Variants in NDST3 observed in about 807,000 individuals in gnomAD.
The protein encoded by NDST3 is N-deacetylase and N-sulfotransferase 3.
Under a neutral mutation model 96.1 loss-of-function variants are expected in NDST3, and 58 were observed. The ratio of observed to expected loss-of-function variants is 0.60; its 90% CI spans 0.49 to 0.75. NDST3 has a LOEUF of 0.75. Among genes scored for constraint, NDST3 ranks in the 30% least tolerant of loss-of-function variants. The pLI is 0.00. For synonymous variants in NDST3, 333 were observed against 359.7 expected (o/e 0.93, Z 0.84); for missense variants, 788 against 1,034.2 (o/e 0.76, Z 3.27).
At chr4:118,239,404 A>T (rs1383441624) in intron 10 of NDST3, among the ~76,000 whole-genome samples, 2 of 152,188 alleles carry the variant, frequency 1.3e-5, no homozygotes, top group Non-Finnish European at 2.9e-5. Context: ...CATCCTGGAA[A>T]GCTAAGATCC....
rs1725801801 is a variant in NDST3, at chr4:118,060,405, C to T, written c.981+5514C>T. Among the ~76,000 whole-genome samples, 3 of 151,940 alleles carry T rather than the reference C, an allele frequency of 2.0e-5. No individual in the cohort carries two copies. The South Asian group carries it at 6.2e-4, about 31-fold the overall frequency. ...TTTGATTACTATTTGAGAAATATATCTTACTCCTTTTTTATATATTTTTAA... is the reference window on the plus strand; with the variant it reads ...TTTGATTACTATTTGAGAAATATATTTTACTCCTTTTTTATATATTTTTAA... On this transcript the variant is annotated intron_variant, in intron 2 of 13. Coordinates refer to ENST00000296499, the MANE Select transcript of NDST3 (RefSeq NM_004784.3).
chr4:118,142,726 A>C (rs1733658161), intron 5 of NDST3, among the ~76,000 whole-genome samples: 1 of 152,180 alleles, frequency 6.6e-6, no homozygotes, highest in Admixed American at 6.5e-5. Context: ...CCATGAAGTC[A>C]TTGTAAAATA....
chr4:118,193,617 C>A (rs763549918), intron 6 of NDST3: 6 of 1,250,744 alleles, frequency 4.8e-6, no homozygotes, highest in Admixed American at 1.7e-5. Context: ...TGGGCCTTGG[C>A]GGCTTCGTTG....
At chr4:118,233,312 C>T (rs772916403) in intron 9 of NDST3, among the ~76,000 whole-genome samples, 177 bp downstream of exon 9, 3 of 152,100 alleles carry the variant, frequency 2.0e-5, no homozygotes, top group Non-Finnish European at 4.4e-5. Flanking sequence ...AAACTCTTCT[C>T]AGTTTATAAA....
intron 6 of NDST3, among the ~76,000 whole-genome samples, chr4:118,209,130 T>C (rs1427965093): frequency 6.6e-6 from 1 of 152,184 alleles, no homozygotes; most frequent in African/African-American, 2.4e-5. Flanking sequence ...CCTATATCTA[T>C]TATATTGTGG....
intron 6 of NDST3, among the ~76,000 whole-genome samples, chr4:118,214,678 C>A (rs1022106444): frequency 2.0e-5 from 3 of 151,954 alleles, no homozygotes; most frequent in Non-Finnish European, 2.9e-5. Flanking sequence ...AGGTAAGATT[C>A]AATGAAAGAT....
chr4:118,070,716 T>C (rs1007019367), intron 2 of NDST3, among the ~76,000 whole-genome samples: 1 of 151,600 alleles, frequency 6.6e-6, no homozygotes, highest in Non-Finnish European at 1.5e-5. Context: ...GTTACATATG[T>C]ATACATGTGC....
At chr4:118,215,190 C>T (rs575305808) in intron 6 of NDST3, among the ~76,000 whole-genome samples, 2 of 151,740 alleles carry the variant, frequency 1.3e-5, no homozygotes, top group Non-Finnish European at 2.9e-5. Flanking sequence ...CACCTAGAGA[C>T]AGCATGTAAA....
At chr4:118,156,067 G>A (rs796852179) in intron 6 of NDST3, among the ~76,000 whole-genome samples, 7 of 152,002 alleles carry the variant, frequency 4.6e-5, no homozygotes, top group Admixed American at 2.0e-4. Flanking sequence ...ATTCAGGATA[G>A]ACAGAAAATT....
rs540927323 is a variant in NDST3, at chr4:118,222,304, T to A, written c.1540-2187T>A. ...TGTCAATTATGTTCCTTAATGTGCA[T>A]ACCTTCCTAAGAAAAAAGTAACAAA... On this transcript the variant is annotated intron_variant, in intron 6 of 13. Coordinates refer to ENST00000296499, the MANE Select transcript of NDST3 (RefSeq NM_004784.3). Among the ~76,000 whole-genome samples, 7 of 152,024 alleles carry A rather than the reference T, an allele frequency of 4.6e-5. No homozygotes were observed. In the East Asian group the frequency reaches 1.4e-3, roughly 29 times the overall value.
At chr4:118,185,058 G>A (rs1004927097) in intron 6 of NDST3, among the ~76,000 whole-genome samples, 7 of 152,030 alleles carry the variant, frequency 4.6e-5, no homozygotes, top group South Asian at 2.1e-4. Context: ...CTTATATTTC[G>A]TTAAGAGACA....
intron 3 of NDST3, among the ~76,000 whole-genome samples, chr4:118,111,487 A>G (rs1381285741): frequency 6.6e-6 from 1 of 151,698 alleles, no homozygotes; most frequent in Non-Finnish European, 1.5e-5. Context: ...GTCCAACCAA[A>G]TGTAATTAAC....
intron 2 of NDST3, among the ~76,000 whole-genome samples, chr4:118,088,372 G>T (rs984812337): frequency 6.6e-6 from 1 of 151,958 alleles, no homozygotes; most frequent in African/African-American, 2.4e-5. Context: ...TGATCTAAAG[G>T]TATTTATTGT....
rs375421805 is a variant in NDST3, at chr4:118,253,605, A to G, written c.2502+4A>G. 4 of 1,576,422 alleles carry G rather than the reference A, an allele frequency of 2.5e-6. No individual in the cohort carries two copies. In the Admixed American group the frequency reaches 5.2e-5, roughly 21 times the overall value. On this transcript the variant is annotated splice_donor_region_variant and intron_variant, in intron 13 of 13. Transcript: ENST00000296499. ...ATACCCTCCAATGGATTCTGATGTAAGCATAGACCTTAAAAATACAAACTA... is the reference window on the plus strand; with the variant it reads ...ATACCCTCCAATGGATTCTGATGTAGGCATAGACCTTAAAAATACAAACTA...
At chr4:118,240,417 C>T in intron 10 of NDST3, 107 bp from the exon 11 acceptor site, 3 of 868,408 alleles carry the variant, frequency 3.5e-6, no homozygotes, top group Non-Finnish European at 5.0e-6. Context: ...AACTCTCCAG[C>T]AGTGAGGCAC....
chr4:118,129,437 T>G (rs1182803504), intron 4 of NDST3, among the ~76,000 whole-genome samples: 1 of 152,074 alleles, frequency 6.6e-6, no homozygotes, highest in Admixed American at 6.6e-5. Context: ...CTTAATTTTT[T>G]CATTGACCCA....
intron 9 of NDST3, among the ~76,000 whole-genome samples, chr4:118,236,316 T>A (rs1217662244): frequency 6.6e-6 from 1 of 152,236 alleles, no homozygotes; most frequent in Non-Finnish European, 1.5e-5. Context: ...AATTCTACAT[T>A]TCAGTGCTTG....
chr4:118,227,104 T>A, intron 8 of NDST3, 122 bp downstream of exon 8: 2 of 681,378 alleles, frequency 2.9e-6, no homozygotes, highest in Non-Finnish European at 5.0e-6. Flanking sequence ...CATGTTTTTC[T>A]CTGACATAAT....
chr4:118,056,812 A>G (rs1267694437), intron 2 of NDST3, among the ~76,000 whole-genome samples: 1 of 151,954 alleles, frequency 6.6e-6, no homozygotes, highest in Non-Finnish European at 1.5e-5. Context: ...TAGGGATACA[A>G]TGATAAAGTG....
Sources: allele counts gnomAD v4.1 joint callset (sites outside exome capture counted in the v4.1 genomes callset), GRCh38; gene constraint gnomAD v4.1.1; transcripts MANE v1.5; gene names NCBI Gene and HGNC (gene_info 2026-07-23, HGNC 2026-07-21).